Variants in NBPF15 observed in about 807,000 individuals in gnomAD.
NBPF15 encodes the protein NBPF family member NBPF15.
NBPF15 carries 74 observed loss-of-function variants against 62.2 expected under a neutral mutation model. That is an observed-to-expected ratio of 1.19 (90% confidence interval 0.99 to 1.44). The LOEUF is 1.44. NBPF15 is among the 40% of genes most tolerant of loss of function. The probability of loss-of-function intolerance (pLI) is 0.00; values close to 1 mark genes in which losing one functional copy is unlikely to be tolerated. For missense variants in NBPF15, 790 were observed against 550.0 expected (o/e 1.44, Z -4.36); for synonymous variants, 244 against 209.7 (o/e 1.16, Z -1.41).
At chr1:144,456,188 G>A (rs2102826927) in intron 4 of NBPF15, among the ~76,000 whole-genome samples, 1 of 150,452 alleles carries the variant, frequency 6.6e-6, no homozygotes, top group Admixed American at 6.6e-5. Context: ...AGGTGAAAGG[G>A]GACGGCAGGG....
chr1:144,457,209 C>G (rs1422225814), intron 3 of NBPF15, among the ~76,000 whole-genome samples: 6 of 151,972 alleles, frequency 3.9e-5, no homozygotes, highest in Non-Finnish European at 1.5e-5. Context: ...GAAGTTTTCA[C>G]AAAGTAATAC....
At chr1:144,424,042 T>A in intron 20 of NBPF15, 67 bp from the exon 21 acceptor site, 4 of 759,730 alleles carry the variant, frequency 5.3e-6, no homozygotes, top group Non-Finnish European at 9.7e-6. Flanking sequence ...CAATCCACTG[T>A]CTAATCCTCA....
intron 6 of NBPF15, among the ~76,000 whole-genome samples, chr1:144,445,355 A>ATG (rs1686731820): frequency 1.1e-5 from 1 of 91,284 alleles, no homozygotes. Flanking sequence ...ATATATATAT[A>ATG]CACACACACA....
In NBPF15 at chr1:144,435,056, G is replaced by A. The variant is rs587635128; in HGVS notation, c.772+55C>T. On this transcript the variant is annotated intron_variant, in intron 12 of 21. Transcript: ENST00000581897. ...TGTGTTGATAGAGCCTGTCTTCAGAGTTTATCTTCCTCAGCCTAGAGAGAG... is the reference window on the plus strand; with the variant it reads ...TGTGTTGATAGAGCCTGTCTTCAGAATTTATCTTCCTCAGCCTAGAGAGAG... The A allele has an allele frequency of 3.5e-4, 558 of 1,611,458 alleles. 15 individuals carry two copies. The South Asian group carries it at 5.9e-3, about 17-fold the overall frequency.
chr1:144,424,427 C>T (rs1399558933), intron 20 of NBPF15, among the ~76,000 whole-genome samples: 8 of 152,058 alleles, frequency 5.3e-5, no homozygotes, highest in Non-Finnish European at 7.4e-5. Flanking sequence ...GAATTTGTCA[C>T]ATCTGCCCAG....
chr1:144,428,409 G>A (rs1553539734), intron 15 of NBPF15, among the ~76,000 whole-genome samples, 197 bp downstream of exon 15: 2 of 152,028 alleles, frequency 1.3e-5, no homozygotes, highest in South Asian at 4.2e-4. Flanking sequence ...CCTTCACTAG[G>A]TTAGTAAATG....
At chr1:144,428,485 G>T (rs1428773671) in intron 15 of NBPF15, 121 bp downstream of exon 15, 1 of 872,592 alleles carries the variant, frequency 1.1e-6, no homozygotes. Flanking sequence ...CAATGTAGTA[G>T]GCATAATTCA....
In NBPF15 at chr1:144,423,091, G is replaced by T. The variant is rs782134373; in HGVS notation, c.1935C>A (p.Tyr645Ter). Residue 645 changes from tyrosine to a stop codon, truncating the protein, a stop_gained, in exon 22 of 22, where the codon TAC (tyrosine) becomes TAA (stop). Coordinates refer to ENST00000581897, the MANE Select transcript of NBPF15 (RefSeq NM_001385408.1). LOFTEE classifies it high-confidence loss of function. ...TCAAAGTAAAAAACCTATTGTCCACGTAAAGGGCGAAGCTGATATGCTCTT... is the reference window on the plus strand; with the variant it reads ...TCAAAGTAAAAAACCTATTGTCCACTTAAAGGGCGAAGCTGATATGCTCTT... ...FEEEHISFAL[Y>*]VDNRFFTLTV... 18 of 1,611,488 alleles carry T rather than the reference G, an allele frequency of 1.1e-5. No individual in the cohort carries two copies. In the African/African-American group the frequency reaches 2.0e-4, roughly 18 times the overall value.
At chr1:144,447,231 G>A (rs587643235) in intron 6 of NBPF15, among the ~76,000 whole-genome samples, 11 of 152,340 alleles carry the variant, frequency 7.2e-5, no homozygotes, top group East Asian at 5.8e-4. Flanking sequence ...ACCTTTACAC[G>A]CACGCCGCTG....
At chr1:144,434,706 G>A (rs1368592071) in intron 12 of NBPF15, among the ~76,000 whole-genome samples, 2 of 151,658 alleles carry the variant, frequency 1.3e-5, no homozygotes, top group South Asian at 2.1e-4. Flanking sequence ...GCTGAGAGCA[G>A]TGAAGCCTGA....
At chr1:144,437,448 C>T (rs1247619984) in intron 9 of NBPF15, among the ~76,000 whole-genome samples, 319 of 145,188 alleles carry the variant, frequency 2.2e-3, no homozygotes, top group African/African-American at 8.0e-3. Flanking sequence ...ACACATAGTG[C>T]ATCTTGCGGC....
At chr1:144,429,317 G>A (rs1553539880) in intron 14 of NBPF15, among the ~76,000 whole-genome samples, 1 of 149,864 alleles carries the variant, frequency 6.7e-6, no homozygotes, top group African/African-American at 2.5e-5. Flanking sequence ...ACACAGACAT[G>A]CTTTGGGAAC....
At chr1:144,423,835 C>G (rs1219192507) in intron 21 of NBPF15, 35 bp downstream of exon 21, 1 of 762,778 alleles carries the variant, frequency 1.3e-6, no homozygotes, top group Non-Finnish European at 2.4e-6. Context: ...CAGGTGTTAA[C>G]ACAGAATTAA....
rs1293224406 is a variant in NBPF15, at chr1:144,444,329, C to A, written c.-190-4034G>T. On this transcript the variant is annotated intron_variant, in intron 6 of 21. Transcript: ENST00000581897. The stretch of plus-strand genomic sequence containing the variant: ...AGGCTGGAATGTAACAAAAGCCCAC[C>A]AAGAGTTTTGCCTAGGTTTTTCCTG... 6.6e-5 allele frequency among the ~76,000 whole-genome samples: 10 copies of A among 150,598 alleles called. 1 individual carries two copies. The highest frequency in any genetic ancestry group is 1.0e-4 in the Non-Finnish European group (7 of 67,758).
At chr1:144,432,624 C>G (rs1183807742) in intron 13 of NBPF15, among the ~76,000 whole-genome samples, 3 of 151,596 alleles carry the variant, frequency 2.0e-5, no homozygotes, top group African/African-American at 2.4e-5. Context: ...ATCTACCAAG[C>G]AAATGGAAAA....
chr1:144,440,481 C>G (rs1681952698), intron 6 of NBPF15, 186 bp from the exon 7 acceptor site: 10 of 491,750 alleles, frequency 2.0e-5, no homozygotes, highest in Non-Finnish European at 3.6e-5. Flanking sequence ...ATGCCACAGA[C>G]CCATGTCTTT....
At chr1:144,425,599 A>C (rs1324794069) in intron 18 of NBPF15, 31 bp from the exon 19 acceptor site, 1 of 540,478 alleles carries the variant, frequency 1.9e-6, no homozygotes, top group Non-Finnish European at 3.2e-6. Context: ...GACAGACAAA[A>C]TAAGCCAATT....
chr1:144,449,514 T>C (rs2102605533), intron 5 of NBPF15, among the ~76,000 whole-genome samples: 1 of 151,606 alleles, frequency 6.6e-6, no homozygotes, highest in East Asian at 2.0e-4. Flanking sequence ...GAACAAACTT[T>C]TGACACACAA....
intron 6 of NBPF15, among the ~76,000 whole-genome samples, chr1:144,445,991 GA>G (rs1334818415): frequency 6.8e-6 from 1 of 147,248 alleles, no homozygotes; most frequent in Non-Finnish European, 1.5e-5. Flanking sequence ...CAAGTAGCTG[GA>G]CTACAGGCAC....
Sources: allele counts gnomAD v4.1 joint callset (sites outside exome capture counted in the v4.1 genomes callset), GRCh38; gene constraint gnomAD v4.1.1; transcripts MANE v1.5; gene names NCBI Gene and HGNC (gene_info 2026-07-23, HGNC 2026-07-21).